Variants in IRAG1 observed in about 807,000 individuals in gnomAD.
The protein encoded by IRAG1 is inositol 1,4,5-triphosphate receptor associated 1.
A neutral mutation model predicts 106.2 loss-of-function variants in IRAG1; 62 were observed. The ratio of observed to expected loss-of-function variants is 0.58; its 90% CI spans 0.48 to 0.72. IRAG1 has a LOEUF of 0.72. IRAG1 is among the 30% of genes least tolerant of loss of function. IRAG1 has a pLI of 0.00. For synonymous variants in IRAG1, 462 were observed against 443.9 expected (o/e 1.04, Z -0.51); for missense variants, 1,064 against 1,140.7 (o/e 0.93, Z 0.97).
chr11:10,648,225 G>T (rs1030560346), intron 2 of IRAG1, among the ~76,000 whole-genome samples: 1 of 152,176 alleles, frequency 6.6e-6, no homozygotes, highest in Non-Finnish European at 1.5e-5. Flanking sequence ...TTAGCCAGGC[G>T]TGGTGGTGCA....
At position 10,680,404 on chromosome 11, in the gene IRAG1, G is replaced by GGAAGGAAGGAAGGAAAGAAAGGAAA. The variant is rs71034778; in HGVS notation, c.67+13131_67+13132insTTTCCTTTCTTTCCTTCCTTCCTTC. Reference sequence around the variant, plus strand: ...AGGAAGGAAGGAAGGAAGGAAGGAAGGAAAGAAAGGGAAAGAAAGAAAGAG... The same window carrying GGAAGGAAGGAAGGAAAGAAAGGAAA: ...AGGAAGGAAGGAAGGAAGGAAGGAAGGAAGGAAGGAAGGAAAGAAAGGAAAGAAAGAAAGGGAAAGAAAGAAAGAG... On this transcript the variant is annotated intron_variant, in intron 1 of 20. Transcript: ENST00000423302. Among the ~76,000 whole-genome samples the GGAAGGAAGGAAGGAAAGAAAGGAAA allele has an allele frequency of 9.2e-3, 755 of 82,004 alleles. 4 individuals carry two copies. Among genetic ancestry groups the GGAAGGAAGGAAGGAAAGAAAGGAAA allele is most frequent in the African/African-American group, 0.022 (373 of 17,018 alleles). The allele number at this position is 82,004 out of a possible 152,430, so 53.8% of individuals were successfully genotyped here.
chr11:10,680,144 A>G (rs1015396880), intron 1 of IRAG1, among the ~76,000 whole-genome samples: 7 of 151,576 alleles, frequency 4.6e-5, no homozygotes, highest in Admixed American at 2.0e-4. Flanking sequence ...ATGGTGGCGC[A>G]TGCCTGTAAT....
At chr11:10,644,972 T>C (rs977217467) in intron 2 of IRAG1, among the ~76,000 whole-genome samples, 32 of 152,208 alleles carry the variant, frequency 2.1e-4, no homozygotes, top group African/African-American at 7.0e-4. Flanking sequence ...GATATTCCCA[T>C]AGACAGCGCA....
intron 18 of IRAG1, among the ~76,000 whole-genome samples, chr11:10,584,639 G>C (rs1020278525): frequency 3.4e-5 from 5 of 147,418 alleles, no homozygotes; most frequent in Admixed American, 2.1e-4. Flanking sequence ...GTCAGCCTTA[G>C]AGGTTCCTTA....
intron 2 of IRAG1, among the ~76,000 whole-genome samples, chr11:10,643,540 C>T (rs974732581): frequency 1.3e-5 from 2 of 152,220 alleles, no homozygotes; most frequent in Non-Finnish European, 2.9e-5. Context: ...TATATGTTAG[C>T]TTTATTCCAA....
At chr11:10,650,055 T>C (rs1247768751) in intron 2 of IRAG1, among the ~76,000 whole-genome samples, 2 of 152,234 alleles carry the variant, frequency 1.3e-5, no homozygotes, top group Non-Finnish European at 2.9e-5. Context: ...GGGTAGATTC[T>C]TAGTGAATAT....
chr11:10,670,151 C>G (rs944915793), intron 1 of IRAG1, among the ~76,000 whole-genome samples: 1 of 152,212 alleles, frequency 6.6e-6, no homozygotes, highest in African/African-American at 2.4e-5. Context: ...CAAAACTAAC[C>G]CTTAGTCCAA....
At chr11:10,600,896 G>T (rs552918582) in intron 15 of IRAG1, 22 bp downstream of exon 15, 3 of 1,613,674 alleles carry the variant, frequency 1.9e-6, no homozygotes, top group Admixed American at 1.7e-5. Context: ...GGCCAAGATG[G>T]GGCAGGAGCC....
In IRAG1 at chr11:10,623,826, C is replaced by T. The variant is rs747588014; in HGVS notation, c.1399G>A (p.Val467Met). ...EHILMRNQNLVGLKLPDLSEA... is the reference protein window; with the variant it reads ...EHILMRNQNLMGLKLPDLSEA... ...CTAAGGTCTGGAAGCTTGAGCCCCA[C>T]TAAGTTCTGATTTCTCATCAGGATG... The change falls in exon 10 of 21, where the codon GTG becomes ATG. Residue 467 changes from valine (V) to methionine (M), a missense_variant. Physicochemically the swap from Val to Met is conservative, Grantham distance 21. Coordinates refer to ENST00000423302, the MANE Select transcript of IRAG1 (RefSeq NM_130385.4). 6.2e-7 allele frequency: 1 copy of T among 1,613,942 alleles called. No homozygotes were observed. The highest frequency in any genetic ancestry group is 8.5e-7 in the Non-Finnish European group (1 of 1,179,918).
intron 3 of IRAG1, 65 bp downstream of exon 3, chr11:10,633,903 A>G (rs1018824880): frequency 4.7e-6 from 4 of 847,132 alleles, no homozygotes; most frequent in Non-Finnish European, 7.1e-6. Flanking sequence ...TTAAAAATAT[A>G]GCTGTCTGAT....
chr11:10,689,976 T>C (rs1288631886), intron 1 of IRAG1, among the ~76,000 whole-genome samples: 2 of 152,366 alleles, frequency 1.3e-5, no homozygotes, highest in Non-Finnish European at 1.5e-5. Context: ...TACTTTTTTT[T>C]CTAGAAAAAA....
At chr11:10,578,946 T>C (rs1229873341) in intron 20 of IRAG1, among the ~76,000 whole-genome samples, 2 of 152,228 alleles carry the variant, frequency 1.3e-5, no homozygotes, top group South Asian at 2.1e-4. Context: ...GGAAAGGCTT[T>C]TTGTCTAGGG....
Position 10,626,156 on chromosome 11 carries a change from A to T in IRAG1, c.1178T>A (p.Leu393His). 1 of 1,537,224 alleles carries T rather than the reference A, an allele frequency of 6.5e-7. No individual in the cohort carries two copies. Among genetic ancestry groups the T allele is most frequent in the South Asian group, 1.3e-5 (1 of 79,718 alleles). ...TVSRPPLLRG[L>H]SWDSGPEEPG... ...TTCTTCAGGGCCACTGTCCCAGGAGAGCCCTCGCAGCAGCGGGGGCCGGGA... is the reference window on the plus strand; with the variant it reads ...TTCTTCAGGGCCACTGTCCCAGGAGTGCCCTCGCAGCAGCGGGGGCCGGGA... Residue 393 changes from leucine to histidine, a missense_variant, in exon 9 of 21, where the codon CTC becomes CAC. Transcript: ENST00000423302.
At chr11:10,615,384 A>C (rs1264181722) in intron 10 of IRAG1, among the ~76,000 whole-genome samples, 2 of 152,376 alleles carry the variant, frequency 1.3e-5, no homozygotes, top group African/African-American at 4.8e-5. Flanking sequence ...CGATTCCTCA[A>C]GGATCTAGAA....
intron 1 of IRAG1, among the ~76,000 whole-genome samples, chr11:10,689,880 T>G (rs1471220530): frequency 1.3e-5 from 2 of 152,048 alleles, no homozygotes; most frequent in Non-Finnish European, 2.9e-5. Flanking sequence ...TTCTAGAGGG[T>G]TTTTTATTTC....
intron 18 of IRAG1, chr11:10,588,916 C>G (rs1187031041): frequency 1.3e-5 from 2 of 152,334 alleles, no homozygotes; most frequent in Admixed American, 1.3e-4. Context: ...ACTACAATTA[C>G]ATAGCCATTT....
chr11:10,613,727 T>C (rs1016791343), intron 10 of IRAG1, among the ~76,000 whole-genome samples: 14 of 152,202 alleles, frequency 9.2e-5, no homozygotes, highest in Non-Finnish European at 1.9e-4. Flanking sequence ...AATGTGAAGG[T>C]GGGAAGATAT....
intron 1 of IRAG1, among the ~76,000 whole-genome samples, chr11:10,673,844 T>C (rs1442526783): frequency 6.6e-6 from 1 of 152,072 alleles, no homozygotes; most frequent in Admixed American, 6.5e-5. Flanking sequence ...GGATACATAA[T>C]GTAAGAAAAC....
At chr11:10,620,116 G>GA (rs142245171) in intron 10 of IRAG1, among the ~76,000 whole-genome samples, 2,194 of 151,978 alleles carry the variant, frequency 0.014, 41 homozygotes, top group African/African-American at 0.051. Flanking sequence ...GTAGCCCATG[G>GA]AAAAAACAGA....
Sources: allele counts gnomAD v4.1 joint callset (sites outside exome capture counted in the v4.1 genomes callset), GRCh38; gene constraint gnomAD v4.1.1; transcripts MANE v1.5; gene names NCBI Gene and HGNC (gene_info 2026-07-23, HGNC 2026-07-21).